The following KIF24 variants were observed in gnomAD, a reference collection of about 807,000 sequenced individuals.
KIF24 encodes kinesin family member 24, also known as kinesin-like protein KIF24.
A neutral mutation model predicts 118.9 loss-of-function variants in KIF24; 81 were observed. The observed-to-expected ratio is 0.68, with a 90% CI of 0.57 to 0.82. The LOEUF (loss-of-function observed/expected upper bound fraction) is 0.82. KIF24 is among the 40% of genes least tolerant of loss of function. The pLI is 0.00. For synonymous variants in KIF24, 599 were observed against 610.0 expected, an observed-to-expected ratio of 0.98 and a Z score of 0.27; for missense variants, 1,560 against 1,661.6, an observed-to-expected ratio of 0.94 and a Z score of 1.06.
At chr9:34,286,407 C>T (rs902744987) in intron 6 of KIF24, among the ~76,000 whole-genome samples, 8 of 152,160 alleles carry the variant, frequency 5.3e-5, no homozygotes, top group African/African-American at 1.4e-4. Flanking sequence ...CTCCCACATG[C>T]CCTACCTCCC....
intron 10 of KIF24, 111 bp downstream of exon 10, chr9:34,259,485 A>G (rs1256599405): frequency 1.3e-6 from 1 of 760,150 alleles, no homozygotes; most frequent in Non-Finnish European, 2.3e-6. Flanking sequence ...TGGGAGAGAC[A>G]TGTGCATGCA....
In KIF24 at chr9:34,255,735, T is replaced by C. The variant is rs758254560; in HGVS notation, c.3872A>G (p.Gln1291Arg). Residue 1291 changes from glutamine to arginine, a missense_variant and splice_region_variant, in exon 11 of 13, where the codon CAG (glutamine) becomes CGG (arginine). Physicochemically the swap from Gln to Arg is conservative, Grantham distance 43. This residue lies in a region of KIF24 where 591 missense variants were observed against 655.6 expected (regional missense o/e 0.90). Transcript: ENST00000402558. ...TLRQPTLEQAQQVVIRAHQEQ... is the reference protein window; with the variant it reads ...TLRQPTLEQARQVVIRAHQEQ... ...GTCTTAGGGAAAGTGTCCAACTTAC[T>C]GCGCTTGCTCCAGGGTGGGCTGACG... is the stretch of plus-strand genomic sequence containing the variant. The C allele has an allele frequency of 6.2e-7, 1 of 1,606,256 alleles. No homozygotes were observed. The highest frequency in any genetic ancestry group is 1.1e-5 in the South Asian group (1 of 89,900).
At chr9:34,312,264 T>G (rs906078763) in intron 1 of KIF24, among the ~76,000 whole-genome samples, 1 of 152,156 alleles carries the variant, frequency 6.6e-6, no homozygotes, top group South Asian at 2.1e-4. Flanking sequence ...AATACTAAGG[T>G]CAAGATTTTA....
intron 1 of KIF24, among the ~76,000 whole-genome samples, chr9:34,314,497 T>A (rs941213183): frequency 4.6e-5 from 7 of 152,040 alleles, no homozygotes; most frequent in Admixed American, 4.6e-4. Flanking sequence ...TATAGATACC[T>A]GAGCCCCATC....
intron 8 of KIF24, among the ~76,000 whole-genome samples, chr9:34,268,656 C>T (rs1418644526): frequency 4.6e-5 from 7 of 151,954 alleles, no homozygotes; most frequent in Non-Finnish European, 7.4e-5. Flanking sequence ...TACAGGCGCT[C>T]GGCACCACGC....
Position 34,296,998 on chromosome 9 carries a change from C to T in KIF24, c.911+19G>A, listed in dbSNP as rs1441959919. The T allele has an allele frequency of 7.8e-7, 1 of 1,285,072 alleles. No homozygotes were observed. Among genetic ancestry groups the T allele is most frequent in the Non-Finnish European group, 1.1e-6 (1 of 921,320 alleles). The allele number at this position is 1,285,072 out of a possible 1,614,324, so 79.6% of individuals were successfully genotyped here. ...AATAGAAAATAAAAAGCAAAAAAAG[C>T]AAATAATCATTATCGTACCCATTGA... On this transcript the variant is annotated intron_variant, in intron 4 of 12. Transcript: ENST00000402558.
intron 2 of KIF24, among the ~76,000 whole-genome samples, chr9:34,309,777 G>A (rs1837067419): frequency 1.3e-5 from 2 of 152,092 alleles, no homozygotes; most frequent in Admixed American, 6.6e-5. Flanking sequence ...TGTTAAAACT[G>A]AGTCTTCTAT....
At chr9:34,327,062 C>A (rs1837693373) in intron 1 of KIF24, among the ~76,000 whole-genome samples, 1 of 152,060 alleles carries the variant, frequency 6.6e-6, no homozygotes, top group South Asian at 2.1e-4. Context: ...ATATATTATA[C>A]TATTATTATT....
Position 34,256,484 on chromosome 9 carries a change from A to C in KIF24, c.3123T>G (p.His1041Gln), listed in dbSNP as rs1395427265. ...ACATGAGTCCAGAAGCATATTCAGC[A>C]TGCGTGCCTAACTGCCCCCTAGGAT... ...GEDPRGQLGT[H>Q]AEYASGLMSP... The change falls in exon 11 of 13, where the codon CAT (histidine) becomes CAG (glutamine). Residue 1041 changes from histidine to glutamine, a missense_variant. Around this residue, in one of 3 missense-constraint regions of KIF24, gnomAD observed 591 missense variants for 655.6 expected, o/e 0.90. Transcript: ENST00000402558. 1 of 1,613,808 alleles carries C rather than the reference A, an allele frequency of 6.2e-7. No homozygotes were observed. Among genetic ancestry groups the C allele is most frequent in the Non-Finnish European group, 8.5e-7 (1 of 1,179,804 alleles).
chr9:34,310,902 T>C lies in KIF24; in HGVS notation c.445A>G (p.Thr149Ala), dbSNP rs199882641. 2.2e-5 allele frequency: 36 copies of C among 1,613,938 alleles called. 1 individual carries two copies. The South Asian group carries it at 3.4e-4, about 15-fold the overall frequency. The change falls in exon 2 of 13, where the codon ACA (threonine) becomes GCA (alanine). Residue 149 changes from threonine (T) to alanine (A), a missense_variant. Physicochemically the swap from Thr to Ala is moderately conservative, Grantham distance 58. Around this residue, in one of 3 missense-constraint regions of KIF24, gnomAD observed 964 missense variants for 988.0 expected, o/e 0.98. Coordinates refer to ENST00000402558, the MANE Select transcript of KIF24 (RefSeq NM_194313.4). Reference protein sequence around the residue: ...HMLPDDSQYHTKTGILNATAG... With the variant: ...HMLPDDSQYHAKTGILNATAG... The stretch of plus-strand genomic sequence containing the variant: ...GTGGCATTCAGAATTCCTGTTTTTG[T>C]ATGGTACTGGGAATCATCTGGTAGC...
chr9:34,274,360 C>G (rs1174866431), intron 6 of KIF24, among the ~76,000 whole-genome samples: 1 of 1,462 alleles, frequency 6.8e-4, no homozygotes. Flanking sequence ...GATCTGCACT[C>G]TCATGTTTGT....
At chr9:34,263,990 G>A (rs545155996) in intron 8 of KIF24, among the ~76,000 whole-genome samples, 2 of 152,144 alleles carry the variant, frequency 1.3e-5, no homozygotes, top group South Asian at 2.1e-4. Flanking sequence ...ACATGATAAG[G>A]ACAGCAGAGA....
intron 8 of KIF24, among the ~76,000 whole-genome samples, chr9:34,266,127 G>A (rs1276483894): frequency 1.3e-5 from 2 of 152,110 alleles, no homozygotes; most frequent in African/African-American, 4.8e-5. Flanking sequence ...TCCTGGGCTC[G>A]AGTGATCTGT....
chr9:34,257,215 C>A lies in KIF24; in HGVS notation c.2392G>T (p.Gly798Cys), dbSNP rs138289905. 47 of 1,613,900 alleles carry A rather than the reference C, an allele frequency of 2.9e-5. No homozygotes were observed. Among genetic ancestry groups the A allele is most frequent in the Non-Finnish European group, 3.9e-5 (46 of 1,179,916 alleles). ...RSLRQYRPPE[G>C]QLTNETPPLF... Reference sequence around the variant, plus strand: ...GGCGGAGTCTCATTCGTGAGCTGACCCTCTGGGGGCCTGTACTGGCGTAAA... The same window carrying A: ...GGCGGAGTCTCATTCGTGAGCTGACACTCTGGGGGCCTGTACTGGCGTAAA... Residue 798 changes from glycine (G) to cysteine (C), a missense_variant, in exon 11 of 13, where the codon GGT becomes TGT. Transcript: ENST00000402558.
At chr9:34,306,169 G>T in intron 3 of KIF24, 83 bp downstream of exon 3, 1 of 855,092 alleles carries the variant, frequency 1.2e-6, no homozygotes, top group Non-Finnish European at 1.9e-6. Flanking sequence ...ACAGAAACTT[G>T]TATGCCACCA....
At chr9:34,272,215 A>T (rs962336158) in intron 6 of KIF24, among the ~76,000 whole-genome samples, 21 of 152,214 alleles carry the variant, frequency 1.4e-4, no homozygotes, top group African/African-American at 4.3e-4. Flanking sequence ...TGATGGATTT[A>T]GCCTAACTAA....
intron 6 of KIF24, among the ~76,000 whole-genome samples, chr9:34,272,477 C>G (rs1222333414): frequency 1.3e-5 from 2 of 152,180 alleles, no homozygotes; most frequent in African/African-American, 2.4e-5. Flanking sequence ...TAAAGACTAA[C>G]AGGAGTCCTT....
In KIF24 at chr9:34,296,454, G is replaced by A. The variant is rs1481825303; in HGVS notation, c.911+563C>T. Among the ~76,000 whole-genome samples the A allele has an allele frequency of 3.3e-5, 5 of 150,958 alleles. No individual in the cohort carries two copies. The East Asian group carries it at 7.8e-4, about 24-fold the overall frequency. On this transcript the variant is annotated intron_variant, in intron 4 of 12. Coordinates refer to ENST00000402558, the MANE Select transcript of KIF24 (RefSeq NM_194313.4). ...AGGCAGGCTGAGGTAGGAGAATGGCGTGAATGTGGGAGGCAGAGCTTGCAG... is the reference window on the plus strand; with the variant it reads ...AGGCAGGCTGAGGTAGGAGAATGGCATGAATGTGGGAGGCAGAGCTTGCAG...
chr9:34,267,350 C>A (rs930187701), intron 8 of KIF24, among the ~76,000 whole-genome samples: 7 of 152,116 alleles, frequency 4.6e-5, no homozygotes, highest in African/African-American at 1.7e-4. Flanking sequence ...ACACTTGAAT[C>A]TCTTTTCAAT....
Sources: allele counts gnomAD v4.1 joint callset (sites outside exome capture counted in the v4.1 genomes callset), GRCh38; gene constraint gnomAD v4.1.1; regional missense constraint gnomAD v4.1.1; transcripts MANE v1.5; gene names NCBI Gene and HGNC (gene_info 2026-07-23, HGNC 2026-07-21).